Variants in PTBP3 observed in about 807,000 individuals in gnomAD.
The protein encoded by PTBP3 is polypyrimidine tract binding protein 3.
PTBP3 carries 20 observed loss-of-function variants against 58.7 expected under a neutral mutation model. The observed-to-expected ratio is 0.34, with a 90% CI of 0.24 to 0.50. PTBP3 has a LOEUF of 0.50. Ranked by LOEUF, PTBP3 falls within the 20% of genes least tolerant of loss-of-function variation. PTBP3 has a pLI of 0.98. For missense variants in PTBP3, 509 were observed against 637.2 expected, an observed-to-expected ratio of 0.80 and a Z score of 2.17; for synonymous variants, 185 against 219.8, an observed-to-expected ratio of 0.84 and a Z score of 1.40.
intron 1 of PTBP3, among the ~76,000 whole-genome samples, chr9:112,326,376 G>T (rs1830157443): frequency 1.3e-5 from 2 of 152,330 alleles, no homozygotes; most frequent in African/African-American, 4.8e-5. Flanking sequence ...TGCCTTTGTA[G>T]TGTGAAAGGA....
chr9:112,243,906 A>C (rs1424289831), intron 7 of PTBP3, among the ~76,000 whole-genome samples: 1 of 152,182 alleles, frequency 6.6e-6, no homozygotes, highest in Non-Finnish European at 1.5e-5. Flanking sequence ...TAACTTGCCC[A>C]AGATTACACA....
the PTBP3 span, among the ~76,000 whole-genome samples, chr9:112,378,323 G>GT: frequency 6.6e-6 from 1 of 152,340 alleles, no homozygotes; most frequent in South Asian, 2.1e-4. Context: ...TAAAAATAGT[G>GT]TAAGTACAGG....
At chr9:112,361,707 T>C in the PTBP3 span, among the ~76,000 whole-genome samples, 2 of 152,256 alleles carry the variant, frequency 1.3e-5, no homozygotes, top group Non-Finnish European at 2.9e-5. Flanking sequence ...TGGTGGTGAC[T>C]CTAAACATGT....
the PTBP3 span, among the ~76,000 whole-genome samples, chr9:112,348,711 T>C: frequency 6.6e-6 from 1 of 152,220 alleles, no homozygotes; most frequent in Non-Finnish European, 1.5e-5. Context: ...CTTCGTTTCA[T>C]TCCTGCTCTA....
chr9:112,323,248 A>G (rs749256860), intron 1 of PTBP3, among the ~76,000 whole-genome samples: 1 of 152,108 alleles, frequency 6.6e-6, no homozygotes, highest in African/African-American at 2.4e-5. Flanking sequence ...GCAAAATCCT[A>G]TCTCAAAAAA....
chr9:112,264,267 TTTGA>T (rs1375052392), intron 4 of PTBP3, among the ~76,000 whole-genome samples: 3 of 152,190 alleles, frequency 2.0e-5, no homozygotes, highest in Non-Finnish European at 4.4e-5. Context: ...AAATGTTAAG[TTTGA>T]TTGTTTTTTA....
chr9:112,317,415 T>C (rs1049899478), intron 1 of PTBP3, among the ~76,000 whole-genome samples: 11 of 149,618 alleles, frequency 7.4e-5, no homozygotes, highest in African/African-American at 2.7e-4. Context: ...AAGAAAGATA[T>C]CAAGTCAAGA....
upstream of PTBP3, among the ~76,000 whole-genome samples, chr9:112,337,859 T>G (rs1333369863): frequency 1.3e-5 from 2 of 152,198 alleles, no homozygotes; most frequent in African/African-American, 4.8e-5. Flanking sequence ...TATTTCTGTT[T>G]ACAGGTAAGA....
chr9:112,345,828 G>T, the PTBP3 span, among the ~76,000 whole-genome samples: 2 of 151,874 alleles, frequency 1.3e-5, no homozygotes, highest in African/African-American at 4.8e-5. Flanking sequence ...AAAAAATGTA[G>T]TATTGCCATA....
intron 11 of PTBP3, 23 bp from the exon 12 acceptor site, chr9:112,227,650 T>G (rs1285151776): frequency 1.3e-6 from 2 of 1,581,872 alleles, no homozygotes; most frequent in African/African-American, 2.7e-5. Flanking sequence ...AAGAAAATTT[T>G]AAAGTTTGAG....
intron 1 of PTBP3, among the ~76,000 whole-genome samples, chr9:112,309,681 G>A (rs1005116904): frequency 5.3e-5 from 8 of 151,866 alleles, no homozygotes; most frequent in African/African-American, 1.2e-4. Context: ...CCAGCTACTC[G>A]AGTAGCTGAG....
At chr9:112,351,204 C>T in the PTBP3 span, among the ~76,000 whole-genome samples, 1 of 152,222 alleles carries the variant, frequency 6.6e-6, no homozygotes, top group African/African-American at 2.4e-5. Flanking sequence ...TTACATTAAG[C>T]TATCATGTCC....
chr9:112,351,927 C>A, the PTBP3 span, among the ~76,000 whole-genome samples: 4 of 150,910 alleles, frequency 2.7e-5, no homozygotes, highest in African/African-American at 9.7e-5. Context: ...CTAGAATCAG[C>A]CATTTCTCAA....
intron 3 of PTBP3, 61 bp from the exon 4 acceptor site, chr9:112,268,256 A>G (rs1453635440): frequency 6.5e-7 from 1 of 1,538,598 alleles, no homozygotes; most frequent in Non-Finnish European, 8.7e-7. Flanking sequence ...GTTAAGATAT[A>G]TTTTGCCATT....
intron 2 of PTBP3, among the ~76,000 whole-genome samples, chr9:112,279,995 C>G (rs7041915): frequency 0.86 from 130,339 of 152,182 alleles, 56,208 homozygotes; most frequent in African/African-American, 0.95. Context: ...ATATCCTACA[C>G]CCTTGCTAAA....
the PTBP3 span, among the ~76,000 whole-genome samples, chr9:112,352,595 G>A: frequency 6.6e-6 from 1 of 152,104 alleles, no homozygotes; most frequent in African/African-American, 2.4e-5. Context: ...TAATTTTTCC[G>A]TGGTGCACCT....
At chr9:112,356,103 A>C in the PTBP3 span, among the ~76,000 whole-genome samples, 37 of 148,742 alleles carry the variant, frequency 2.5e-4, no homozygotes, top group African/African-American at 8.2e-4. Context: ...TCAGCCTCCC[A>C]AGTAGCTGGG....
At chr9:112,333,763 A>T (rs1026747293), upstream of PTBP3, 20 of 247,682 alleles carry the variant, frequency 8.1e-5, no homozygotes, top group Non-Finnish European at 1.4e-4. Context: ...GCTCGCGCCC[A>T]CCCTCGCCCC....
the PTBP3 span, among the ~76,000 whole-genome samples, chr9:112,340,917 T>G: frequency 6.6e-6 from 1 of 152,040 alleles, no homozygotes; most frequent in Admixed American, 6.6e-5. Context: ...ATCTCTTGTT[T>G]CATGGACTCC....
Sources: allele counts gnomAD v4.1 joint callset (sites outside exome capture counted in the v4.1 genomes callset), GRCh38; gene constraint gnomAD v4.1.1; transcripts MANE v1.5; gene names NCBI Gene and HGNC (gene_info 2026-07-23, HGNC 2026-07-21).